Variants in SLC22A24 observed in about 807,000 individuals in gnomAD.
SLC22A24 encodes the protein solute carrier family 22 member 24, also known as steroid transmembrane transporter SLC22A24.
In SLC22A24, 53 loss-of-function variants were observed where a neutral mutation model predicts 49.8. The ratio of observed to expected loss-of-function variants is 1.06; its 90% CI spans 0.85 to 1.34. The LOEUF (loss-of-function observed/expected upper bound fraction) is 1.34, where lower values mean the gene tolerates loss of function less well. SLC22A24 is among the 40% of genes most tolerant of loss of function. The pLI, the probability that SLC22A24 is intolerant of heterozygous loss-of-function variation, is 0.00. For missense variants in SLC22A24, 786 were observed against 675.9 expected (o/e 1.16, Z -1.81); for synonymous variants, 302 against 256.4 (o/e 1.18, Z -1.70).
chr11:63,092,377 T>A lies in SLC22A24; in HGVS notation c.1070+3614A>T, dbSNP rs555157850. On this transcript the variant is annotated intron_variant, in intron 6 of 9. Transcript: ENST00000612278. Reference sequence around the variant, plus strand: ...ATTCCCATGAAGCTACTAGTGACTTTCTTTGTAGAATTAGAAAAAACTAGT... The same window carrying A: ...ATTCCCATGAAGCTACTAGTGACTTACTTTGTAGAATTAGAAAAAACTAGT... Among the ~76,000 whole-genome samples, 70 of 120,374 alleles carry A rather than the reference T, an allele frequency of 5.8e-4. No individual in the cohort carries two copies. The South Asian group carries it at 0.017, about 30-fold the overall frequency. The allele number at this position is 120,374 out of a possible 152,430, so 79.0% of individuals were successfully genotyped here. A position where few individuals can be genotyped will look rare whatever the true frequency, so the allele number is the denominator to read the frequency against.
At chr11:63,131,468 G>A (rs571145868) in intron 2 of SLC22A24, among the ~76,000 whole-genome samples, 2 of 152,270 alleles carry the variant, frequency 1.3e-5, no homozygotes, top group Admixed American at 1.3e-4. Flanking sequence ...TGTAAGGCAG[G>A]CCTGGTGGTG....
chr11:63,095,243 A>G (rs879717838), intron 6 of SLC22A24, among the ~76,000 whole-genome samples: 1 of 152,032 alleles, frequency 6.6e-6, no homozygotes, highest in South Asian at 2.1e-4. Context: ...TGGAATATTG[A>G]TTGATAGTTC....
At chr11:63,105,616 G>A (rs2087115953) in intron 4 of SLC22A24, among the ~76,000 whole-genome samples, 1 of 152,152 alleles carries the variant, frequency 6.6e-6, no homozygotes, top group Non-Finnish European at 1.5e-5. Flanking sequence ...ACAGTGGCTA[G>A]GACTCAGGAC....
intron 4 of SLC22A24, among the ~76,000 whole-genome samples, chr11:63,111,212 G>A (rs1310855777): frequency 6.6e-6 from 1 of 151,700 alleles, no homozygotes; most frequent in Non-Finnish European, 1.5e-5. Context: ...CTTGATCATG[G>A]TGGATAAGCT....
At chr11:63,090,473 G>A (rs1404215511) in intron 6 of SLC22A24, among the ~76,000 whole-genome samples, 1 of 152,018 alleles carries the variant, frequency 6.6e-6, no homozygotes, top group East Asian at 1.9e-4. Flanking sequence ...ACATTCCTCA[G>A]CAAATGCAAA....
intron 4 of SLC22A24, among the ~76,000 whole-genome samples, chr11:63,115,428 G>T (rs2087205808): frequency 6.6e-6 from 1 of 152,210 alleles, no homozygotes; most frequent in African/African-American, 2.4e-5. Flanking sequence ...GAAAAGCACA[G>T]TATTTAGGCA....
At chr11:63,138,849 C>A (rs550765559) in intron 1 of SLC22A24, among the ~76,000 whole-genome samples, 1 of 151,932 alleles carries the variant, frequency 6.6e-6, no homozygotes, top group Non-Finnish European at 1.5e-5. Context: ...TTTTTTCCCC[C>A]CCATGGATAG....
chr11:63,082,781 A>C (rs1038036783), intron 7 of SLC22A24, among the ~76,000 whole-genome samples: 9 of 152,266 alleles, frequency 5.9e-5, no homozygotes, highest in African/African-American at 2.2e-4. Flanking sequence ...CTCAAAAGTG[A>C]ATATACAGGG....
chr11:63,132,229 C>A (rs1182753045), intron 2 of SLC22A24, among the ~76,000 whole-genome samples: 1 of 152,138 alleles, frequency 6.6e-6, no homozygotes, highest in African/African-American at 2.4e-5. Flanking sequence ...TTAGAACATG[C>A]TTCTTTAGCT....
chr11:63,116,431 C>G (rs945171823), intron 4 of SLC22A24: 5 of 160,464 alleles, frequency 3.1e-5, no homozygotes, highest in African/African-American at 1.2e-4. Flanking sequence ...AATCCCACTG[C>G]CTTGCAGACT....
At chr11:63,087,470 G>T (rs2086994516) in intron 6 of SLC22A24, among the ~76,000 whole-genome samples, 1 of 152,170 alleles carries the variant, frequency 6.6e-6, no homozygotes, top group African/African-American at 2.4e-5. Context: ...CAGGGCCCTG[G>T]GCTTCAAGCA....
chr11:63,093,208 T>C (rs201894940), intron 6 of SLC22A24, among the ~76,000 whole-genome samples: 1 of 152,144 alleles, frequency 6.6e-6, no homozygotes, highest in Non-Finnish European at 1.5e-5. Context: ...GGAGAGGCTG[T>C]GGAGAAGTAG....
At chr11:63,088,186 A>G (rs762201361) in intron 6 of SLC22A24, among the ~76,000 whole-genome samples, 20 of 152,212 alleles carry the variant, frequency 1.3e-4, no homozygotes, top group Admixed American at 3.3e-4. Flanking sequence ...TCCAGTTGGC[A>G]TCAGGCTGGT....
At chr11:63,133,233 G>A (rs1435149655) in intron 2 of SLC22A24, among the ~76,000 whole-genome samples, 1 of 152,136 alleles carries the variant, frequency 6.6e-6, no homozygotes, top group Non-Finnish European at 1.5e-5. Context: ...CCTTCCCTTG[G>A]CTAGGAAAGG....
intron 7 of SLC22A24, among the ~76,000 whole-genome samples, chr11:63,082,771 C>A (rs2086967031): frequency 1.3e-5 from 2 of 152,174 alleles, no homozygotes; most frequent in Non-Finnish European, 2.9e-5. Context: ...TAATAGGGAA[C>A]TCAAAAGTGA....
chr11:63,122,514 C>CATTT (rs746344212), intron 2 of SLC22A24, among the ~76,000 whole-genome samples: 4 of 152,040 alleles, frequency 2.6e-5, no homozygotes, highest in Non-Finnish European at 5.9e-5. Context: ...TGCATTTAAA[C>CATTT]ATTTATTTAT....
chr11:63,111,617 A>T (rs1202343292), intron 4 of SLC22A24, among the ~76,000 whole-genome samples: 1 of 150,102 alleles, frequency 6.7e-6, no homozygotes, highest in Non-Finnish European at 1.5e-5. Flanking sequence ...TTTCTTCTAG[A>T]TTTTCTAGTT....
Position 63,134,655 on chromosome 11 carries a change from T to C in SLC22A24, c.506+10A>G. 6.9e-7 allele frequency: 1 copy of C among 1,456,102 alleles called. No individual in the cohort carries two copies. The highest frequency in any genetic ancestry group is 9.4e-7 in the Non-Finnish European group (1 of 1,060,356). The allele number at this position is 1,456,102 out of a possible 1,614,324, so 90.2% of individuals were successfully genotyped here. ...ATAAACAGCCCCAAAGAAAGTGAGA[T>C]GACACTCACCTGTCTGAAAGATGGC... On this transcript the variant is annotated intron_variant, in intron 2 of 9. Transcript: ENST00000612278.
intron 5 of SLC22A24, among the ~76,000 whole-genome samples, chr11:63,100,265 A>G (rs1166663492): frequency 6.6e-6 from 1 of 152,210 alleles, no homozygotes; most frequent in African/African-American, 2.4e-5. Context: ...TGGCATTTCT[A>G]TATGACAACA....
Sources: gnomAD v4.1 joint callset for allele counts (sites outside exome capture counted in the v4.1 genomes callset) on GRCh38, gnomAD v4.1.1 for gene constraint, MANE v1.5 for transcripts, NCBI Gene and HGNC (gene_info 2026-07-23, HGNC 2026-07-21) for gene names.